Variants in FAM161A observed in about 807,000 individuals in gnomAD.
The protein encoded by FAM161A is FAM161 centrosomal protein A, also known as protein FAM161A.
Under a neutral mutation model 70.9 loss-of-function variants are expected in FAM161A, and 57 were observed. That is an observed-to-expected ratio of 0.80 (90% CI 0.65 to 1.00). The LOEUF (loss-of-function observed/expected upper bound fraction) is 1.00. Among genes scored for constraint, FAM161A ranks in the 50% least tolerant of loss-of-function variants. FAM161A has a pLI of 0.00. For missense variants in FAM161A, 880 were observed against 836.0 expected (o/e 1.05, Z -0.65); for synonymous variants, 299 against 295.7 (o/e 1.01, Z -0.12).
chr2:61,839,040 G>A (rs1249728064), intron 3 of FAM161A, among the ~76,000 whole-genome samples: 15 of 151,218 alleles, frequency 9.9e-5, no homozygotes, highest in Non-Finnish European at 1.6e-4. Flanking sequence ...CCGCCACCAC[G>A]CCCAGCTAAT....
At chr2:61,829,060 T>C (rs1019029193) in intron 5 of FAM161A, among the ~76,000 whole-genome samples, 7 of 152,260 alleles carry the variant, frequency 4.6e-5, no homozygotes, top group East Asian at 1.9e-4. Context: ...ATGGCATTCA[T>C]ACTGGGAAGG....
At chr2:61,801,885 G>A in the FAM161A span, among the ~76,000 whole-genome samples, 1 of 152,164 alleles carries the variant, frequency 6.6e-6, no homozygotes, top group South Asian at 2.1e-4. Context: ...AAGGGATTTG[G>A]ATAATGCTGC....
intron 5 of FAM161A, among the ~76,000 whole-genome samples, chr2:61,833,654 T>C (rs928839876): frequency 6.6e-6 from 1 of 152,066 alleles, no homozygotes; most frequent in Non-Finnish European, 1.5e-5. Context: ...GAGTCTGTAA[T>C]GAAAAAGATA....
chr2:61,816,453 T>C, the FAM161A span, among the ~76,000 whole-genome samples: 68 of 151,756 alleles, frequency 4.5e-4, no homozygotes, highest in African/African-American at 1.6e-3. Context: ...AAACTGAGGG[T>C]TTTTTGTTTG....
chr2:61,827,326 T>G, intron 5 of FAM161A, 68 bp from the exon 6 acceptor site: 2 of 1,545,312 alleles, frequency 1.3e-6, no homozygotes, highest in Non-Finnish European at 1.8e-6. Context: ...AATGTATAGA[T>G]TAGGCCAGGC....
At chr2:61,851,383 C>T (rs1335139271) in intron 1 of FAM161A, among the ~76,000 whole-genome samples, 1 of 152,158 alleles carries the variant, frequency 6.6e-6, no homozygotes, top group Non-Finnish European at 1.5e-5. Context: ...GTTGCCCAGG[C>T]TGGAGTGCAG....
At position 61,826,542 on chromosome 2, in the gene FAM161A, A is replaced by G. The variant is rs138464813; in HGVS notation, c.2064T>C (p.Ile688=). Residue 688 remains isoleucine (I), a synonymous_variant, in exon 7 of 7, where the codon ATT becomes ATC. Transcript: ENST00000404929. ...TGTAAGAATCCTGGCTGTTGGTATC[A>G]ATAAAATAATTTTCTTCCCCATTCT... ...ERENGEENYF[I]DTNSQDSYKE... is the part of the protein sequence containing the mutation. 3,993 of 1,602,386 alleles carry G rather than the reference A, an allele frequency of 2.5e-3. 8 individuals are homozygous for G. The highest frequency in any genetic ancestry group is 3.1e-3 in the Non-Finnish European group (3,611 of 1,172,340).
Position 61,854,046 on chromosome 2 carries a change from C to A in FAM161A, c.-5G>T. Reference sequence around the variant, plus strand: ...CACTCGGTGGGAGGTGGCCATCGCCCCGCCTCCGAGGCCTGAGCGCCTGCG... The same window carrying A: ...CACTCGGTGGGAGGTGGCCATCGCCACGCCTCCGAGGCCTGAGCGCCTGCG... On this transcript the variant is annotated 5_prime_UTR_variant, in exon 1 of 7. Coordinates refer to ENST00000404929, the MANE Select transcript of FAM161A (RefSeq NM_001201543.2). The A allele has an allele frequency of 1.2e-6, 2 of 1,601,232 alleles. No individual in the cohort carries two copies. The highest frequency in any genetic ancestry group is 1.7e-6 in the Non-Finnish European group (2 of 1,174,318).
rs765487110 is a variant in FAM161A, at chr2:61,840,200, C to G, written c.804G>C (p.Ala268=). The change falls in exon 3 of 7, where the codon GCG becomes GCC. Residue 268 remains alanine, a synonymous_variant. Coordinates refer to ENST00000404929, the MANE Select transcript of FAM161A (RefSeq NM_001201543.2). Reference sequence around the variant, plus strand: ...CTGGATCCTCTTCTTGTTTTTTGAGCGCTTTATGTACCATTTCGATATCTG... The same window carrying G: ...CTGGATCCTCTTCTTGTTTTTTGAGGGCTTTATGTACCATTTCGATATCTG... ...SKSDIEMVHK[A]LKKQEEDPEY... is the part of the protein sequence containing the mutation. 1 of 1,613,730 alleles carries G rather than the reference C, an allele frequency of 6.2e-7. No homozygotes were observed. The highest frequency in any genetic ancestry group is 8.5e-7 in the Non-Finnish European group (1 of 1,179,984).
chr2:61,853,220 T>G (rs1673558558), intron 1 of FAM161A, among the ~76,000 whole-genome samples: 1 of 152,156 alleles, frequency 6.6e-6, no homozygotes, highest in South Asian at 2.1e-4. Context: ...AAGATTCCCA[T>G]CTTTTAAGTG....
At chr2:61,820,405 G>A, downstream of FAM161A, 1 of 757,898 alleles carries the variant, frequency 1.3e-6, no homozygotes, top group Non-Finnish European at 2.4e-6. Flanking sequence ...GGAGGTGGAT[G>A]CAGCCATGAA....
At chr2:61,835,647 G>A (rs1244181139) in intron 5 of FAM161A, 8 of 177,022 alleles carry the variant, frequency 4.5e-5, no homozygotes, top group Non-Finnish European at 8.4e-5. Flanking sequence ...CGAACTACTG[G>A]ATTGGCATGT....
chr2:61,844,653 C>T (rs1440519485), intron 1 of FAM161A, among the ~76,000 whole-genome samples: 2 of 152,132 alleles, frequency 1.3e-5, no homozygotes, highest in Admixed American at 6.6e-5. Context: ...CAGCCAAGAT[C>T]GTACCACAGC....
At chr2:61,822,149 G>A (rs1672215603), downstream of FAM161A, among the ~76,000 whole-genome samples, 1 of 151,868 alleles carries the variant, frequency 6.6e-6, no homozygotes. Flanking sequence ...GGTTATTCCT[G>A]GCCAGGCACA....
rs776991876 is a variant in FAM161A at position 61,842,161 on chromosome 2, G to A, written c.383C>T (p.Pro128Leu). The change falls in exon 2 of 7, where the codon CCA becomes CTA. Residue 128 changes from proline (P) to leucine (L), a missense_variant. Pro to Leu is a moderately conservative substitution (Grantham distance 98). Transcript: ENST00000404929. ...QDKLHLKEVQ[P>L]VVIREDSLSD... ...AAGAGAGTCTTCTCTGATGACCACT[G>A]GCTGAACTTCCTTTAAATGTAATTT... 1.9e-6 allele frequency: 3 copies of A among 1,612,814 alleles called. No homozygotes were observed. The highest frequency in any genetic ancestry group is 1.7e-6 in the Non-Finnish European group (2 of 1,178,894).
intron 1 of FAM161A, among the ~76,000 whole-genome samples, chr2:61,851,104 C>A (rs541018499): frequency 6.6e-6 from 1 of 152,010 alleles, no homozygotes; most frequent in Admixed American, 6.6e-5. Flanking sequence ...GAACTCCCAA[C>A]CTCAGGTGAT....
chr2:61,812,551 G>A, the FAM161A span, among the ~76,000 whole-genome samples: 2 of 151,454 alleles, frequency 1.3e-5, no homozygotes, highest in African/African-American at 4.9e-5. Flanking sequence ...GTGAAATCCC[G>A]TCTACACTAA....
chr2:61,803,951 T>C, the FAM161A span, among the ~76,000 whole-genome samples: 4 of 152,104 alleles, frequency 2.6e-5, no homozygotes, highest in Admixed American at 6.6e-5. Flanking sequence ...TCAGGGCAAG[T>C]CTACAGTGCA....
At chr2:61,805,209 C>T in the FAM161A span, among the ~76,000 whole-genome samples, 1 of 152,178 alleles carries the variant, frequency 6.6e-6, no homozygotes, top group African/African-American at 2.4e-5. Flanking sequence ...TAGGTCAAAC[C>T]AGCATATAGC....
Sources: allele counts gnomAD v4.1 joint callset (sites outside exome capture counted in the v4.1 genomes callset), GRCh38; gene constraint gnomAD v4.1.1; transcripts MANE v1.5; gene names NCBI Gene and HGNC (gene_info 2026-07-23, HGNC 2026-07-21).